The following STAG1 variants were observed in gnomAD, a reference collection of about 807,000 sequenced individuals.
STAG1 encodes the protein cohesin subunit SA-1.
A neutral mutation model predicts 170.9 loss-of-function variants in STAG1; 26 were observed. The observed-to-expected ratio is 0.15, with a 90% CI of 0.11 to 0.21. The LOEUF is 0.21. Ranked by LOEUF, STAG1 falls within the 10% of genes least tolerant of loss-of-function variation. The pLI is 1.00. For missense variants in STAG1, 964 were observed against 1,509.5 expected (o/e 0.64, Z 5.99); for synonymous variants, 514 against 497.7 (o/e 1.03, Z -0.44).
rs1935685795 is a variant in STAG1, at chr3:136,336,549, C to T, written c.*1705G>A. The T allele has an allele frequency of 6.6e-6, 1 of 152,256 alleles. No homozygotes were observed. The highest frequency in any genetic ancestry group is 2.4e-5 in the African/African-American group (1 of 41,460). 9.4% of individuals were successfully genotyped at this position (152,256 alleles called of 1,614,324 possible). A position where few individuals can be genotyped will look rare whatever the true frequency, so the allele number is the denominator to read the frequency against. The stretch of plus-strand genomic sequence containing the variant: ...ATGGCTTGCTCCCTGGCCAAAACCA[C>T]AGGCAGGCAGGGCTGGGGTGGACAG... On this transcript the variant is annotated 3_prime_UTR_variant, in exon 34 of 34. Coordinates refer to ENST00000383202, the MANE Select transcript of STAG1 (RefSeq NM_005862.3).
In STAG1 at chr3:136,349,142, G is replaced by A; in HGVS notation, c.3271+16C>T. ...AACCAGGCAAATTGTTTCTTATAGT[G>A]TAAAGGCAGACTTACCTTCTACTCG... On this transcript the variant is annotated intron_variant, in intron 29 of 33. Transcript: ENST00000383202. The A allele has an allele frequency of 6.3e-7, 1 of 1,597,394 alleles. No homozygotes were observed. The highest frequency in any genetic ancestry group is 8.6e-7 in the Non-Finnish European group (1 of 1,165,026).
chr3:136,692,935 A>G (rs2107899492), intron 1 of STAG1, among the ~76,000 whole-genome samples: 1 of 152,302 alleles, frequency 6.6e-6, no homozygotes, highest in Admixed American at 6.5e-5. Context: ...CCATAAAGAG[A>G]CAGATGTATG....
At chr3:136,675,880 G>A (rs1942114387) in intron 1 of STAG1, among the ~76,000 whole-genome samples, 1 of 152,182 alleles carries the variant, frequency 6.6e-6, no homozygotes, top group Non-Finnish European at 1.5e-5. Flanking sequence ...AATGTGCAAT[G>A]AAGAAATTAT....
intron 3 of STAG1, among the ~76,000 whole-genome samples, chr3:136,610,881 C>T (rs985792201): frequency 2.6e-5 from 4 of 152,090 alleles, no homozygotes; most frequent in African/African-American, 9.7e-5. Context: ...CCCATTCAAC[C>T]CTTTCTCTTC....
chr3:136,384,411 T>C (rs560102340), intron 22 of STAG1, among the ~76,000 whole-genome samples: 146 of 149,664 alleles, frequency 9.8e-4, no homozygotes, highest in Middle Eastern at 3.5e-3. Context: ...GACTGCACCA[T>C]TGCACTCCAG....
intron 5 of STAG1, among the ~76,000 whole-genome samples, chr3:136,567,508 T>G (rs112809717): frequency 9.2e-5 from 14 of 152,200 alleles, no homozygotes; most frequent in Non-Finnish European, 1.8e-4. Context: ...TCAGAGTTTA[T>G]TTTTTGTAGG....
At chr3:136,389,693 T>C (rs990409734) in intron 22 of STAG1, among the ~76,000 whole-genome samples, 2 of 152,006 alleles carry the variant, frequency 1.3e-5, no homozygotes, top group African/African-American at 4.8e-5. Flanking sequence ...TTAATTTTTG[T>C]ATTTTTAGTA....
At chr3:136,674,940 A>C (rs1236430128) in intron 1 of STAG1, among the ~76,000 whole-genome samples, 1 of 152,170 alleles carries the variant, frequency 6.6e-6, no homozygotes, top group African/African-American at 2.4e-5. Context: ...CTCTCTAGCA[A>C]AAGTTGGGGG....
chr3:136,412,487 A>T (rs2087651277), intron 21 of STAG1, among the ~76,000 whole-genome samples: 2 of 152,214 alleles, frequency 1.3e-5, no homozygotes, highest in South Asian at 4.1e-4. Context: ...TAAAAAGGAC[A>T]CTGCTAACTA....
At chr3:136,379,254 T>C (rs1398377526) in intron 22 of STAG1, among the ~76,000 whole-genome samples, 2 of 152,084 alleles carry the variant, frequency 1.3e-5, no homozygotes, top group Admixed American at 1.3e-4. Flanking sequence ...AGGAGTGCTA[T>C]GGTAGGAGAA....
chr3:136,464,884 T>C lies in STAG1; in HGVS notation c.1310A>G (p.Lys437Arg), dbSNP rs771766876. The C allele has an allele frequency of 5.6e-6, 9 of 1,609,328 alleles. No homozygotes were observed. The highest frequency in any genetic ancestry group is 6.8e-6 in the Non-Finnish European group (8 of 1,178,560). The change falls in exon 13 of 34, where the codon AAA becomes AGA. Residue 437 changes from lysine to arginine, a missense_variant. Physicochemically the swap from Lys to Arg is conservative, Grantham distance 26. Coordinates refer to ENST00000383202, the MANE Select transcript of STAG1 (RefSeq NM_005862.3). ...TTTTCAAAGATAATTAGCTCACTTT[T>C]TGTGAAGGAACTCTCCAGCTGCCAC... ...VAVAAGEFLH[K>R]KLFSRHDPQA... is the part of the protein sequence containing the mutation.
intron 2 of STAG1, 114 bp downstream of exon 2, chr3:136,630,756 C>A: frequency 1.3e-6 from 1 of 782,556 alleles, no homozygotes; most frequent in Non-Finnish European, 2.1e-6. Flanking sequence ...GATATTGTCC[C>A]AATATCAAAG....
At chr3:136,415,680 C>A (rs954908222) in intron 21 of STAG1, among the ~76,000 whole-genome samples, 1 of 152,028 alleles carries the variant, frequency 6.6e-6, no homozygotes, top group Non-Finnish European at 1.5e-5. Context: ...CCACTAAAAC[C>A]CAAAAATTAG....
intron 6 of STAG1, among the ~76,000 whole-genome samples, chr3:136,536,310 T>C (rs978236761): frequency 1.4e-4 from 21 of 152,080 alleles, no homozygotes; most frequent in Non-Finnish European, 2.6e-4. Flanking sequence ...AAATCGATAA[T>C]AAAAATAGCC....
At chr3:136,436,766 CA>C (rs966924158) in intron 15 of STAG1, among the ~76,000 whole-genome samples, 1 of 152,000 alleles carries the variant, frequency 6.6e-6, no homozygotes, top group Non-Finnish European at 1.5e-5. Context: ...TAAGTTGGAG[CA>C]AAATCAAAGA....
chr3:136,663,736 C>A (rs1038061688), intron 1 of STAG1, among the ~76,000 whole-genome samples: 1 of 152,066 alleles, frequency 6.6e-6, no homozygotes, highest in Non-Finnish European at 1.5e-5. Flanking sequence ...CCTTGATCTT[C>A]AGGTAACAAC....
At chr3:136,535,754 G>C (rs2107716934) in intron 6 of STAG1, among the ~76,000 whole-genome samples, 1 of 152,292 alleles carries the variant, frequency 6.6e-6, no homozygotes, top group Middle Eastern at 3.4e-3. Flanking sequence ...CTCAAGGTAA[G>C]AGATACCCCA....
chr3:136,391,151 A>G (rs2086998467), intron 22 of STAG1, among the ~76,000 whole-genome samples: 1 of 152,186 alleles, frequency 6.6e-6, no homozygotes, highest in South Asian at 2.1e-4. Flanking sequence ...TCTTTGACAT[A>G]AAGGATTTGA....
At chr3:136,745,351 G>T (rs555525767) in intron 1 of STAG1, among the ~76,000 whole-genome samples, 2 of 152,120 alleles carry the variant, frequency 1.3e-5, no homozygotes, top group African/African-American at 4.8e-5. Flanking sequence ...AAGAAGGCAA[G>T]ATTTATGACA....
Sources: gnomAD v4.1 joint callset for allele counts (sites outside exome capture counted in the v4.1 genomes callset) on GRCh38, gnomAD v4.1.1 for gene constraint, MANE v1.5 for transcripts, NCBI Gene and HGNC (gene_info 2026-07-23, HGNC 2026-07-21) for gene names.